The following GRXCR2 variants were observed in gnomAD, a reference collection of about 807,000 sequenced individuals.
The protein encoded by GRXCR2 is glutaredoxin and cysteine rich domain containing 2.
A neutral mutation model predicts 24.8 loss-of-function variants in GRXCR2; 23 were observed. The ratio of observed to expected loss-of-function variants is 0.93; its 90% CI spans 0.67 to 1.32. The LOEUF (loss-of-function observed/expected upper bound fraction) is 1.32, where lower values mean the gene tolerates loss of function less well. GRXCR2 is among the 40% of genes most tolerant of loss of function. The probability of loss-of-function intolerance (pLI) is 0.00; values close to 1 mark genes in which losing one functional copy is unlikely to be tolerated. For synonymous variants in GRXCR2, 130 were observed against 116.1 expected, an observed-to-expected ratio of 1.12 and a Z score of -0.77; for missense variants, 315 against 303.4, an observed-to-expected ratio of 1.04 and a Z score of -0.28.
intron 2 of GRXCR2, among the ~76,000 whole-genome samples, chr5:145,882,329 A>G (rs111653124): frequency 0.17 from 25,167 of 152,172 alleles, 2,738 homozygotes; most frequent in Non-Finnish European, 0.24. Context: ...TACAAGAAAA[A>G]AACAAACAAC....
rs375006762 is a variant in GRXCR2 at position 145,871,350 on chromosome 5, C to A, written c.336+1283G>T. The stretch of plus-strand genomic sequence containing the variant: ...CTAAAAAAAGGAACATGCCCTAAAG[C>A]AAAACATTTGTAGCATCAGAAGATC... On this transcript the variant is annotated intron_variant, in intron 1 of 2. Coordinates refer to ENST00000377976, the MANE Select transcript of GRXCR2 (RefSeq NM_001080516.2). Among the ~76,000 whole-genome samples the A allele has an allele frequency of 7.2e-4, 110 of 152,222 alleles. 1 individual carries two copies. Among genetic ancestry groups the A allele is most frequent in the African/African-American group, 2.5e-3 (105 of 41,538 alleles).
In GRXCR2 at chr5:145,859,668, G is replaced by T; in HGVS notation, c.*65C>A. The T allele has an allele frequency of 3.4e-6, 5 of 1,490,068 alleles. No individual in the cohort carries two copies. Among genetic ancestry groups the T allele is most frequent in the Non-Finnish European group, 4.7e-6 (5 of 1,071,246 alleles). The allele number at this position is 1,490,068 out of a possible 1,614,324, so 92.3% of individuals were successfully genotyped here. A position where few individuals can be genotyped will look rare whatever the true frequency, so the allele number is the denominator to read the frequency against. ...TTGGGAGAGGCAGGAGGAGGAGAAG[G>T]GGGCGGTTTATTAGAAATAACTTTA... is the stretch of plus-strand genomic sequence containing the variant. On this transcript the variant is annotated 3_prime_UTR_variant, in exon 3 of 3. Coordinates refer to ENST00000377976, the MANE Select transcript of GRXCR2 (RefSeq NM_001080516.2).
intron 2 of GRXCR2, among the ~76,000 whole-genome samples, chr5:145,860,481 A>G (rs940834408): frequency 6.6e-5 from 10 of 152,198 alleles, no homozygotes; most frequent in African/African-American, 2.4e-4. Context: ...GAGCACCAGA[A>G]TTCATGCTCC....
chr5:145,897,782 A>T (rs1442089717), intron 2 of GRXCR2, among the ~76,000 whole-genome samples: 3 of 152,164 alleles, frequency 2.0e-5, no homozygotes, highest in Non-Finnish European at 4.4e-5. Context: ...GAAAACAGAG[A>T]CACAACATAC....
chr5:145,891,186 G>A (rs1442491800), intron 2 of GRXCR2, among the ~76,000 whole-genome samples: 1 of 152,180 alleles, frequency 6.6e-6, no homozygotes, highest in African/African-American at 2.4e-5. Flanking sequence ...AACAGCTCCA[G>A]TCTACAGCTC....
intron 2 of GRXCR2, among the ~76,000 whole-genome samples, chr5:145,897,253 ACAT>A (rs1756964533): frequency 9.5e-6 from 1 of 105,324 alleles, no homozygotes; most frequent in South Asian, 2.5e-4. Flanking sequence ...TTTGTTACAT[ACAT>A]ACATACATAC....
intron 2 of GRXCR2, among the ~76,000 whole-genome samples, chr5:145,895,792 G>C: frequency 6.6e-6 from 1 of 151,880 alleles, no homozygotes; most frequent in East Asian, 1.9e-4. Flanking sequence ...TTTAAAGTTC[G>C]TATGGAACCA....
At chr5:145,863,420 A>G (rs1017579030) in intron 2 of GRXCR2, among the ~76,000 whole-genome samples, 9 of 152,238 alleles carry the variant, frequency 5.9e-5, no homozygotes, top group African/African-American at 1.9e-4. Flanking sequence ...CATTACAGCT[A>G]AAAAACACAG....
intron 2 of GRXCR2, among the ~76,000 whole-genome samples, chr5:145,909,488 A>T (rs963917723): frequency 6.6e-6 from 1 of 151,086 alleles, no homozygotes; most frequent in Non-Finnish European, 1.5e-5. Context: ...ACTTTCAGAG[A>T]AGACTTTCCT....
intron 2 of GRXCR2, among the ~76,000 whole-genome samples, chr5:145,918,379 C>T (rs998749420): frequency 6.6e-6 from 1 of 152,156 alleles, no homozygotes; most frequent in Non-Finnish European, 1.5e-5. Flanking sequence ...GACTCCAAGT[C>T]TACAGCTCAG....
At chr5:145,898,226 T>C (rs377323652) in intron 2 of GRXCR2, among the ~76,000 whole-genome samples, 2 of 151,338 alleles carry the variant, frequency 1.3e-5, no homozygotes, top group East Asian at 3.9e-4. Context: ...AGCAAAGGGA[T>C]AAATTCCTGG....
At chr5:145,903,669 A>G (rs959911410) in intron 2 of GRXCR2, among the ~76,000 whole-genome samples, 1 of 152,180 alleles carries the variant, frequency 6.6e-6, no homozygotes, top group African/African-American at 2.4e-5. Context: ...TGAATTCTGT[A>G]TCAGGATGAA....
intron 2 of GRXCR2, among the ~76,000 whole-genome samples, chr5:145,911,446 G>A (rs185700841): frequency 6.6e-6 from 1 of 152,280 alleles, no homozygotes; most frequent in East Asian, 1.9e-4. Context: ...AGGGGTGAAA[G>A]GTACTGAAAT....
intron 2 of GRXCR2, among the ~76,000 whole-genome samples, chr5:145,920,485 T>C (rs1038197460): frequency 5.3e-5 from 8 of 152,220 alleles, no homozygotes; most frequent in African/African-American, 1.9e-4. Flanking sequence ...TGTTTTCATT[T>C]TATAGAGAAG....
chr5:145,889,684 C>G (rs1400465345), intron 2 of GRXCR2, among the ~76,000 whole-genome samples: 2 of 152,142 alleles, frequency 1.3e-5, no homozygotes, highest in African/African-American at 4.8e-5. Flanking sequence ...GGCAATACCA[C>G]CAAAGCATTG....
At chr5:145,901,993 G>C (rs996257502) in intron 2 of GRXCR2, among the ~76,000 whole-genome samples, 8 of 152,124 alleles carry the variant, frequency 5.3e-5, no homozygotes, top group African/African-American at 1.9e-4. Flanking sequence ...ATTCATGGAG[G>C]GAGTGAGAAA....
intron 2 of GRXCR2, among the ~76,000 whole-genome samples, chr5:145,880,568 G>T (rs1016874422): frequency 6.6e-5 from 10 of 152,080 alleles, no homozygotes; most frequent in African/African-American, 2.2e-4. Context: ...AAAAGTCCAG[G>T]ACCTGAAGGA....
At chr5:145,869,039 T>C (rs542816208) in intron 1 of GRXCR2, among the ~76,000 whole-genome samples, 1 of 152,366 alleles carries the variant, frequency 6.6e-6, no homozygotes, top group South Asian at 2.1e-4. Context: ...TTGTAAATAC[T>C]CTTTTGTCTG....
At chr5:145,904,813 C>A (rs762431081) in intron 2 of GRXCR2, among the ~76,000 whole-genome samples, 34 of 152,202 alleles carry the variant, frequency 2.2e-4, no homozygotes, top group Non-Finnish European at 4.1e-4. Context: ...GACCAGTTGC[C>A]TCCAGATGGG....
Sources: allele counts gnomAD v4.1 joint callset (sites outside exome capture counted in the v4.1 genomes callset), GRCh38; gene constraint gnomAD v4.1.1; transcripts MANE v1.5; gene names NCBI Gene and HGNC (gene_info 2026-07-23, HGNC 2026-07-21).